The following PTBP2 variants were observed in gnomAD, a reference collection of about 807,000 sequenced individuals.
PTBP2 encodes polypyrimidine tract binding protein 2.
Under a neutral mutation model 61.4 loss-of-function variants are expected in PTBP2, and 13 were observed. The observed-to-expected ratio is 0.21, with a 90% confidence interval of 0.14 to 0.34. The LOEUF (loss-of-function observed/expected upper bound fraction) is 0.34. PTBP2 is among the 10% of genes least tolerant of loss of function. PTBP2 has a pLI of 1.00. For missense variants in PTBP2, 405 were observed against 642.6 expected (o/e 0.63, Z 4.00); for synonymous variants, 215 against 218.5 (o/e 0.98, Z 0.14).
chr1:96,769,976 G>C, intron 4 of PTBP2, 101 bp downstream of exon 4: 1 of 963,968 alleles, frequency 1.0e-6, no homozygotes, highest in Non-Finnish European at 1.4e-6. Flanking sequence ...TTTTCTTAAA[G>C]AACAGAAGTC....
intron 11 of PTBP2, among the ~76,000 whole-genome samples, chr1:96,811,067 T>A (rs1051591952): frequency 1.5e-4 from 22 of 151,698 alleles, no homozygotes; most frequent in South Asian, 2.1e-4. Flanking sequence ...TTTTTTTTTT[T>A]AATTTTTTTA....
intron 5 of PTBP2, among the ~76,000 whole-genome samples, chr1:96,776,210 A>G (rs1658020525): frequency 6.6e-6 from 1 of 152,018 alleles, no homozygotes; most frequent in Non-Finnish European, 1.5e-5. Flanking sequence ...ATACAGTAAG[A>G]ACATGTTCAC....
At chr1:96,744,149 G>T (rs920890209) in intron 2 of PTBP2, among the ~76,000 whole-genome samples, 28 of 152,130 alleles carry the variant, frequency 1.8e-4, no homozygotes, top group Admixed American at 1.7e-3. Context: ...ACTTGAACCC[G>T]GGAGACAGAG....
intron 1 of PTBP2, among the ~76,000 whole-genome samples, 154 bp from the exon 2 acceptor site, chr1:96,723,410 A>G (rs978944330): frequency 3.3e-5 from 5 of 152,228 alleles, no homozygotes; most frequent in African/African-American, 1.2e-4. Flanking sequence ...AGTACAGGTA[A>G]GTCACGGATC....
At chr1:96,777,436 G>A in intron 5 of PTBP2, 149 bp from the exon 6 acceptor site, 1 of 513,230 alleles carries the variant, frequency 1.9e-6, no homozygotes, top group Non-Finnish European at 3.3e-6. Flanking sequence ...CTGGCTCATG[G>A]CAGGTGCTTA....
chr1:96,782,671 A>C (rs1443848047), intron 7 of PTBP2, among the ~76,000 whole-genome samples: 1 of 152,036 alleles, frequency 6.6e-6, no homozygotes, highest in Non-Finnish European at 1.5e-5. Context: ...ATGACTTGCC[A>C]AATATTAAAA....
At chr1:96,820,617 C>A (rs935462145) in exon 14 of PTBP2, 3 of 151,052 alleles carry the variant, frequency 2.0e-5, no homozygotes, top group African/African-American at 7.3e-5. Context: ...TAATAACTTC[C>A]TATCCAATTT....
chr1:96,736,324 A>T (rs148456001), intron 2 of PTBP2, among the ~76,000 whole-genome samples: 101 of 152,310 alleles, frequency 6.6e-4, no homozygotes, highest in African/African-American at 2.3e-3. Context: ...CTAATTACTG[A>T]CCATATAAGA....
intron 2 of PTBP2, among the ~76,000 whole-genome samples, chr1:96,737,125 G>A (rs1417329699): frequency 1.3e-5 from 2 of 151,824 alleles, no homozygotes; most frequent in Non-Finnish European, 2.9e-5. Flanking sequence ...GACTACAGGC[G>A]CCTGCCACCA....
chr1:96,821,143 A>G (rs1408484742), exon 14 of PTBP2: 2 of 152,150 alleles, frequency 1.3e-5, no homozygotes, highest in Non-Finnish European at 2.9e-5. Context: ...CAAGTAAGAT[A>G]TGAAATATGC....
At chr1:96,762,849 C>A (rs1656146275) in intron 3 of PTBP2, among the ~76,000 whole-genome samples, 1 of 151,242 alleles carries the variant, frequency 6.6e-6, no homozygotes, top group African/African-American at 2.4e-5. Context: ...GGAGGGACTC[C>A]TCGCTTCTCA....
At chr1:96,787,601 T>A (rs941733300) in intron 8 of PTBP2, among the ~76,000 whole-genome samples, 4 of 152,114 alleles carry the variant, frequency 2.6e-5, no homozygotes, top group African/African-American at 9.7e-5. Context: ...AGTAGGTGAG[T>A]TAAAGGTTTT....
intron 11 of PTBP2, among the ~76,000 whole-genome samples, chr1:96,807,455 A>G (rs1452163598): frequency 4.6e-5 from 7 of 152,224 alleles, no homozygotes; most frequent in Non-Finnish European, 1.0e-4. Flanking sequence ...TTATATCATT[A>G]CTTAAATAAG....
Position 96,806,857 on chromosome 1 carries a change from C to T in PTBP2, c.1079-9C>T, listed in dbSNP as rs765238109. 6.2e-7 allele frequency: 1 copy of T among 1,603,000 alleles called. No individual in the cohort carries two copies. Among genetic ancestry groups the T allele is most frequent in the Admixed American group, 1.7e-5 (1 of 57,332 alleles). ...ATTTTTGGATTACCTCTCTGTGGCT[C>T]CAAAAAAGGTGTTTATGGAGATGTG... On this transcript the variant is annotated splice_polypyrimidine_tract_variant and intron_variant, in intron 10 of 13. Coordinates refer to ENST00000674951, the MANE Select transcript of PTBP2 (RefSeq NM_021190.4).
chr1:96,734,483 G>A (rs1395584469), intron 2 of PTBP2, among the ~76,000 whole-genome samples: 1 of 151,308 alleles, frequency 6.6e-6, no homozygotes, highest in Non-Finnish European at 1.5e-5. Flanking sequence ...TTTAGTGGGG[G>A]AAGGAGTCAC....
chr1:96,731,511 T>C (rs11165711), intron 2 of PTBP2, among the ~76,000 whole-genome samples: 44,521 of 152,008 alleles, frequency 0.29, 7,284 homozygotes, highest in East Asian at 0.47. Context: ...TAAGTGATTT[T>C]ATTGTTTAAA....
chr1:96,820,923 A>C (rs146648409), exon 14 of PTBP2: 8 of 152,312 alleles, frequency 5.3e-5, no homozygotes, highest in Non-Finnish European at 1.2e-4. Flanking sequence ...TAACTGACTT[A>C]CTACTTTCAA....
At chr1:96,725,850 C>T (rs943767046) in intron 2 of PTBP2, among the ~76,000 whole-genome samples, 7 of 151,586 alleles carry the variant, frequency 4.6e-5, no homozygotes, top group Admixed American at 1.3e-4. Flanking sequence ...GAGGCCGAGG[C>T]GGGCGGATCA....
At chr1:96,770,624 G>T in intron 4 of PTBP2, 84 bp from the exon 5 acceptor site, 1 of 1,153,986 alleles carries the variant, frequency 8.7e-7, no homozygotes, top group South Asian at 1.4e-5. Context: ...CTAGATAATT[G>T]ATTAAAATCA....
Sources: gnomAD v4.1 joint callset for allele counts (sites outside exome capture counted in the v4.1 genomes callset) on GRCh38, gnomAD v4.1.1 for gene constraint, MANE v1.5 for transcripts, NCBI Gene and HGNC (gene_info 2026-07-23, HGNC 2026-07-21) for gene names.